GALNT18: variants seen among roughly 807,000 people sequenced by gnomAD.
GALNT18 encodes the protein polypeptide N-acetylgalactosaminyltransferase 18.
A neutral mutation model predicts 69.5 loss-of-function variants in GALNT18; 44 were observed. The ratio of observed to expected loss-of-function variants is 0.63; its 90% confidence interval spans 0.50 to 0.81. The LOEUF (loss-of-function observed/expected upper bound fraction) is 0.81. Ranked by LOEUF, GALNT18 falls within the 40% of genes least tolerant of loss-of-function variation. GALNT18 has a pLI of 0.00. For synonymous variants in GALNT18, 364 were observed against 318.2 expected, an observed-to-expected ratio of 1.14 and a Z score of -1.53; for missense variants, 715 against 810.0, an observed-to-expected ratio of 0.88 and a Z score of 1.42.
At position 11,620,006 on chromosome 11, in the gene GALNT18, A is replaced by G. The variant is rs1337043532; in HGVS notation, c.235+1353T>C. ...CTCCCTGAACCTTCCCCTCCTGGAA[A>G]GGAACTATTCTGGACACCTGGGGAA... On this transcript the variant is annotated intron_variant, in intron 1 of 10. Transcript: ENST00000227756. This position sits in a 1 kb window ranked among gnomAD's most constrained non-coding sequence, Gnocchi z 6.9. Among the ~76,000 whole-genome samples, 1 of 152,128 alleles carries G rather than the reference A, an allele frequency of 6.6e-6. No individual in the cohort carries two copies. The highest frequency in any genetic ancestry group is 6.5e-5 in the Admixed American group (1 of 15,284).
chr11:11,475,180 CTTCT>C (rs1163156419), intron 1 of GALNT18: 1 of 94,094 alleles, frequency 1.1e-5, no homozygotes, highest in African/African-American at 4.0e-5. Flanking sequence ...AACAAGATCT[CTTCT>C]TTCTTTTTTC....
chr11:11,621,488 TGTA>T lies in GALNT18; in HGVS notation c.103_105del (p.Tyr35del), dbSNP rs1860192147. ...TGCCCCCGCACATACACGCTGGCGA[TGTA>T]GTTGGTGACCCAGCCCACGTAGAGC... On this transcript the variant is annotated inframe_deletion, in exon 1 of 11. Transcript: ENST00000227756. This position sits in a 1 kb window ranked among gnomAD's most constrained non-coding sequence, Gnocchi z 9.3. The T allele has an allele frequency of 1.1e-5, 18 of 1,614,134 alleles. No individual in the cohort carries two copies. The highest frequency in any genetic ancestry group is 1.4e-5 in the Non-Finnish European group (17 of 1,180,014).
chr11:11,574,315 A>G (rs1051550363), intron 1 of GALNT18, among the ~76,000 whole-genome samples: 3 of 152,202 alleles, frequency 2.0e-5, no homozygotes, highest in Non-Finnish European at 4.4e-5. Context: ...AGCCCTGCTC[A>G]GACCAGAAAT....
At chr11:11,447,318 T>A (rs1043821730) in intron 2 of GALNT18, among the ~76,000 whole-genome samples, 1 of 152,064 alleles carries the variant, frequency 6.6e-6, no homozygotes, top group Non-Finnish European at 1.5e-5. Flanking sequence ...GCAGGAAAAA[T>A]TGCAGCTCCC....
intron 10 of GALNT18, among the ~76,000 whole-genome samples, chr11:11,276,572 G>C (rs528997658): frequency 1.3e-5 from 2 of 152,270 alleles, no homozygotes; most frequent in South Asian, 4.2e-4. Context: ...ATACTATGTT[G>C]AATAGGAGTG....
At chr11:11,272,418 G>A (rs1848847180) in intron 10 of GALNT18, among the ~76,000 whole-genome samples, 1 of 152,140 alleles carries the variant, frequency 6.6e-6, no homozygotes, top group South Asian at 2.1e-4. Flanking sequence ...GGCAGGAGTA[G>A]TGATCTTTCT....
At chr11:11,297,238 C>G (rs1353129762) in intron 9 of GALNT18, among the ~76,000 whole-genome samples, 1 of 152,122 alleles carries the variant, frequency 6.6e-6, no homozygotes, top group Non-Finnish European at 1.5e-5. Context: ...TTGAGATACC[C>G]CAACTTAAGG....
chr11:11,355,512 C>T (rs937969108), intron 6 of GALNT18, among the ~76,000 whole-genome samples: 3 of 152,116 alleles, frequency 2.0e-5, no homozygotes, highest in African/African-American at 7.2e-5. Flanking sequence ...TAGTAGCACC[C>T]CCTTTCACTC....
In GALNT18 at chr11:11,459,716, C is replaced by T. The variant is rs1461555095; in HGVS notation, c.236-10780G>A. ...AAAGATTAAGTGAGATGATGGACAC[C>T]CCGAAAGTGCTTAGCAAACCATCAG... is the stretch of plus-strand genomic sequence containing the variant. On this transcript the variant is annotated intron_variant, in intron 1 of 10. Coordinates refer to ENST00000227756, the MANE Select transcript of GALNT18 (RefSeq NM_198516.3). This position sits in a 1 kb window ranked among gnomAD's most constrained non-coding sequence, Gnocchi z 5.0. Among the ~76,000 whole-genome samples the T allele has an allele frequency of 1.3e-5, 2 of 152,218 alleles. No homozygotes were observed. The highest frequency in any genetic ancestry group is 1.3e-4 in the Admixed American group (2 of 15,290).
rs546346477 is a variant in GALNT18, at chr11:11,456,481, C to T, written c.236-7545G>A. ...TGGCAAACAGCTGCCGCCTAAAATACCTCCAGGGCCCCCCTGCAACCCCAG... is the reference window on the plus strand; with the variant it reads ...TGGCAAACAGCTGCCGCCTAAAATATCTCCAGGGCCCCCCTGCAACCCCAG... On this transcript the variant is annotated intron_variant, in intron 1 of 10. Coordinates refer to ENST00000227756, the MANE Select transcript of GALNT18 (RefSeq NM_198516.3). Among the ~76,000 whole-genome samples, 111 of 152,308 alleles carry T rather than the reference C, an allele frequency of 7.3e-4. 1 individual carries two copies. The highest frequency in any genetic ancestry group is 2.5e-3 in the African/African-American group (105 of 41,568).
chr11:11,613,788 C>G lies in GALNT18; in HGVS notation c.235+7571G>C, dbSNP rs143219309. ...CCATTCATTGATGGTGGCTTAGCCA[C>G]CAGTGGACCTCAGTCACTCTGCCTC... On this transcript the variant is annotated intron_variant, in intron 1 of 10. Transcript: ENST00000227756. The surrounding 1 kb of genome is among the most constrained non-coding windows in gnomAD (Gnocchi z 4.2). Among the ~76,000 whole-genome samples, 285 of 152,354 alleles carry G rather than the reference C, an allele frequency of 1.9e-3. 2 individuals carry two copies. The highest frequency in any genetic ancestry group is 6.6e-3 in the African/African-American group (274 of 41,584).
chr11:11,317,452 C>CAAAA (rs1849775517), intron 9 of GALNT18, among the ~76,000 whole-genome samples: 2 of 152,152 alleles, frequency 1.3e-5, no homozygotes, highest in African/African-American at 2.4e-5. Flanking sequence ...GAGATGGTAT[C>CAAAA]TCATGGTGGT....
At chr11:11,279,618 A>C (rs1377331652) in intron 10 of GALNT18, among the ~76,000 whole-genome samples, 1 of 152,096 alleles carries the variant, frequency 6.6e-6, no homozygotes, top group Non-Finnish European at 1.5e-5. Context: ...TCACCAATAC[A>C]ATGTCGAGCA....
intron 6 of GALNT18, chr11:11,352,103 C>T (rs1430724669): frequency 1.2e-6 from 2 of 1,613,576 alleles, no homozygotes; most frequent in African/African-American, 2.7e-5. Flanking sequence ...TGCCCCCTGG[C>T]ATGCTAGATG....
chr11:11,546,443 C>T lies in GALNT18; in HGVS notation c.235+74916G>A, dbSNP rs994014204. 6.6e-6 allele frequency among the ~76,000 whole-genome samples: 1 copy of T among 152,194 alleles called. No homozygotes were observed. Among genetic ancestry groups the T allele is most frequent in the Non-Finnish European group, 1.5e-5 (1 of 68,030 alleles). ...TGAGGCTCTGTCACATCATCTCTTG[C>T]CTGTACTTGAGGACATCCCAGCGCT... On this transcript the variant is annotated intron_variant, in intron 1 of 10. Coordinates refer to ENST00000227756, the MANE Select transcript of GALNT18 (RefSeq NM_198516.3). The surrounding 1 kb of genome is among the most constrained non-coding windows in gnomAD (Gnocchi z 5.8).
At chr11:11,609,575 T>C (rs1036761545) in intron 1 of GALNT18, among the ~76,000 whole-genome samples, 4 of 152,214 alleles carry the variant, frequency 2.6e-5, no homozygotes, top group African/African-American at 9.7e-5. Flanking sequence ...GGGAAGAATC[T>C]GAGCACATAC....
intron 1 of GALNT18, among the ~76,000 whole-genome samples, chr11:11,464,437 C>A (rs1190398967): frequency 6.6e-6 from 1 of 152,154 alleles, no homozygotes; most frequent in East Asian, 1.9e-4. Context: ...TGATGCACAG[C>A]CTGTCTTGGT....
chr11:11,354,842 C>T (rs149133476), intron 6 of GALNT18, among the ~76,000 whole-genome samples: 1 of 152,250 alleles, frequency 6.6e-6, no homozygotes, highest in East Asian at 1.9e-4. Context: ...CCCTGCCTCC[C>T]CATCTGTCCC....
chr11:11,408,824 G>T (rs1237224313), intron 3 of GALNT18, among the ~76,000 whole-genome samples: 1 of 152,118 alleles, frequency 6.6e-6, no homozygotes, highest in African/African-American at 2.4e-5. Flanking sequence ...AGTATATATG[G>T]CACAGGGCCA....
Sources: allele counts gnomAD v4.1 joint callset (sites outside exome capture counted in the v4.1 genomes callset), GRCh38; gene constraint gnomAD v4.1.1; non-coding constraint Gnocchi (gnomAD v3.1); transcripts MANE v1.5; gene names NCBI Gene and HGNC (gene_info 2026-07-23, HGNC 2026-07-21).